Variants in ADCY10 observed in about 807,000 individuals in gnomAD.
ADCY10 encodes the protein adenylate cyclase 10, also known as adenylate cyclase type 10.
ADCY10 carries 156 observed loss-of-function variants against 183.3 expected under a neutral mutation model. The observed-to-expected ratio is 0.85, with a 90% CI of 0.75 to 0.97. ADCY10 has a LOEUF of 0.97. ADCY10 is among the 50% of genes least tolerant of loss of function. The probability of loss-of-function intolerance (pLI) is 0.00; values close to 1 mark genes in which losing one functional copy is unlikely to be tolerated. For synonymous variants in ADCY10, 645 were observed against 670.0 expected (o/e 0.96, Z 0.58); for missense variants, 1,745 against 1,934.3 (o/e 0.90, Z 1.84).
At chr1:167,859,301 T>A (rs1341936925) in intron 16 of ADCY10, among the ~76,000 whole-genome samples, 2 of 152,216 alleles carry the variant, frequency 1.3e-5, no homozygotes, top group East Asian at 1.9e-4. Flanking sequence ...ACTTGTTGAG[T>A]GTTTCTTATG....
At chr1:167,874,895 T>C (rs751414774) in intron 13 of ADCY10, among the ~76,000 whole-genome samples, 1 of 152,186 alleles carries the variant, frequency 6.6e-6, no homozygotes. Flanking sequence ...TATGATTCCA[T>C]CTGTATCAAT....
intron 31 of ADCY10, among the ~76,000 whole-genome samples, chr1:167,815,760 A>G (rs1301156171): frequency 2.0e-5 from 3 of 152,220 alleles, no homozygotes; most frequent in Admixed American, 1.3e-4. Flanking sequence ...TTAATATGCT[A>G]AAAGCTCTAA....
At position 167,856,216 on chromosome 1, in the gene ADCY10, T is replaced by G; in HGVS notation, c.2120A>C (p.Asn707Thr). 1 of 1,613,886 alleles carries G rather than the reference T, an allele frequency of 6.2e-7. No homozygotes were observed. Among genetic ancestry groups the G allele is most frequent in the Non-Finnish European group, 8.5e-7 (1 of 1,179,842 alleles). ...IGAVQPNDIS[N>T]KICLDLNVSC... ...CACATTGAGGTCAAGACAGATCTTG[T>G]TGGAGATGTCGTTAGGCTGTACTGC... Residue 707 changes from asparagine to threonine, a missense_variant, in exon 17 of 33, where the codon AAC becomes ACC. Coordinates refer to ENST00000367851, the MANE Select transcript of ADCY10 (RefSeq NM_018417.6).
Position 167,834,087 on chromosome 1 carries a change from G to A in ADCY10, c.3310-10C>T, listed in dbSNP as rs902937891. 2.1e-5 allele frequency: 34 copies of A among 1,599,508 alleles called. No individual in the cohort carries two copies. The highest frequency in any genetic ancestry group is 2.9e-5 in the Non-Finnish European group (34 of 1,167,036). On this transcript the variant is annotated splice_polypyrimidine_tract_variant and intron_variant, in intron 23 of 32. Coordinates refer to ENST00000367851, the MANE Select transcript of ADCY10 (RefSeq NM_018417.6). ...TCAAATACATGTATGCCTGTAACCA[G>A]CCCAAGGAGTAGAAAAGTGTTGATT...
At chr1:167,869,311 T>C (rs996404411) in intron 14 of ADCY10, among the ~76,000 whole-genome samples, 1 of 152,150 alleles carries the variant, frequency 6.6e-6, no homozygotes, top group Admixed American at 6.5e-5. Flanking sequence ...CCAAAATGCC[T>C]CAACACAAGT....
intron 3 of ADCY10, 74 bp downstream of exon 3, chr1:167,903,813 G>A: frequency 9.3e-7 from 1 of 1,079,218 alleles, no homozygotes; most frequent in Middle Eastern, 2.0e-4. Context: ...TACTCTATCA[G>A]GTTATAATTG....
intron 31 of ADCY10, among the ~76,000 whole-genome samples, chr1:167,817,042 G>A (rs1662574181): frequency 6.6e-6 from 1 of 152,134 alleles, no homozygotes; most frequent in African/African-American, 2.4e-5. Flanking sequence ...CCCAGGCTTT[G>A]GACCCGCCAA....
Position 167,833,291 on chromosome 1 carries a change from C to A in ADCY10, c.3418-129G>T, listed in dbSNP as rs986249653. On this transcript the variant is annotated intron_variant, in intron 24 of 32. Coordinates refer to ENST00000367851, the MANE Select transcript of ADCY10 (RefSeq NM_018417.6). ...GTAATTTATGGACCAGAAACAAAAT[C>A]TTCCTGTGCCTGGCATAATAGAAAA... 9.5e-6 allele frequency: 8 copies of A among 842,602 alleles called. No individual in the cohort carries two copies. In the African/African-American group the frequency reaches 1.2e-4, roughly 12 times the overall value. The allele number at this position is 842,602 out of a possible 1,614,324, so 52.2% of individuals were successfully genotyped here.
At chr1:167,905,864 C>T (rs1360211910) in intron 1 of ADCY10, among the ~76,000 whole-genome samples, 1 of 152,064 alleles carries the variant, frequency 6.6e-6, no homozygotes, top group Non-Finnish European at 1.5e-5. Flanking sequence ...TTTCCTAAGG[C>T]CTTCCTGTAG....
chr1:167,823,608 T>C (rs1283425920), intron 28 of ADCY10, among the ~76,000 whole-genome samples: 1 of 152,036 alleles, frequency 6.6e-6, no homozygotes, highest in African/African-American at 2.4e-5. Context: ...AAACCATTTA[T>C]ACCCCCAAAG....
intron 15 of ADCY10, 39 bp from the exon 16 acceptor site, chr1:167,859,932 T>G: frequency 6.8e-7 from 1 of 1,465,570 alleles, no homozygotes; most frequent in Non-Finnish European, 9.6e-7. Flanking sequence ...TATGGGAAAA[T>G]AGCAAAGGGA....
chr1:167,832,851 C>G (rs556696790), intron 25 of ADCY10, 136 bp downstream of exon 25: 1 of 876,742 alleles, frequency 1.1e-6, no homozygotes, highest in Non-Finnish European at 1.8e-6. Flanking sequence ...TCGCCCCCTC[C>G]CCAGTGAATG....
intron 14 of ADCY10, among the ~76,000 whole-genome samples, chr1:167,868,038 A>G (rs894259206): frequency 4.6e-5 from 7 of 152,220 alleles, no homozygotes; most frequent in African/African-American, 1.7e-4. Context: ...GTCGATAAAA[A>G]AGGACTAGAT....
intron 5 of ADCY10, 105 bp from the exon 6 acceptor site, chr1:167,899,733 A>C: frequency 1.6e-5 from 17 of 1,062,782 alleles, no homozygotes; most frequent in African/African-American, 3.1e-5. Flanking sequence ...ATACTATCTC[A>C]GAGCAAAATC....
intron 18 of ADCY10, among the ~76,000 whole-genome samples, chr1:167,852,439 G>C (rs892340689): frequency 1.3e-5 from 2 of 151,118 alleles, no homozygotes; most frequent in Non-Finnish European, 2.9e-5. Flanking sequence ...GTGAGACTCT[G>C]TCTCAAAAAA....
At chr1:167,862,724 A>G (rs1466549598) in intron 14 of ADCY10, among the ~76,000 whole-genome samples, 1 of 152,232 alleles carries the variant, frequency 6.6e-6, no homozygotes, top group African/African-American at 2.4e-5. Context: ...TTCAGCAATG[A>G]TAAAGATATT....
At chr1:167,853,471 A>G (rs191022193) in intron 18 of ADCY10, among the ~76,000 whole-genome samples, 1 of 152,304 alleles carries the variant, frequency 6.6e-6, no homozygotes, top group Non-Finnish European at 1.5e-5. Flanking sequence ...CAAGACTTAG[A>G]GCTTAAGAAT....
At chr1:167,875,679 A>G (rs1667402325) in intron 12 of ADCY10, among the ~76,000 whole-genome samples, 1 of 152,232 alleles carries the variant, frequency 6.6e-6, no homozygotes, top group Non-Finnish European at 1.5e-5. Flanking sequence ...GGCTGGGCGC[A>G]GTGACTCACG....
intron 30 of ADCY10, chr1:167,820,231 C>G (rs1571214704): frequency 1.3e-6 from 2 of 1,542,788 alleles, no homozygotes; most frequent in Non-Finnish European, 1.7e-6. Context: ...CCACAGGGCC[C>G]ACTGGGTCCT....
Sources: gnomAD v4.1 joint callset for allele counts (sites outside exome capture counted in the v4.1 genomes callset) on GRCh38, gnomAD v4.1.1 for gene constraint, MANE v1.5 for transcripts, NCBI Gene and HGNC (gene_info 2026-07-23, HGNC 2026-07-21) for gene names.